The following RASGEF1A variants were observed in gnomAD, a reference collection of about 807,000 sequenced individuals.
RASGEF1A encodes the protein RasGEF domain family member 1A, also known as ras-GEF domain-containing family member 1A.
Under a neutral mutation model 56.4 loss-of-function variants are expected in RASGEF1A, and 18 were observed. That is an observed-to-expected ratio of 0.32 (90% CI 0.22 to 0.47). RASGEF1A has a LOEUF of 0.47. Ranked by LOEUF, RASGEF1A falls within the 20% of genes least tolerant of loss-of-function variation. RASGEF1A has a pLI of 1.00. For missense variants in RASGEF1A, 422 were observed against 627.1 expected (o/e 0.67, Z 3.49); for synonymous variants, 245 against 242.6 (o/e 1.01, Z -0.09).
At chr10:43,240,700 C>T (rs78757861) in intron 1 of RASGEF1A, among the ~76,000 whole-genome samples, 1 of 151,714 alleles carries the variant, frequency 6.6e-6, no homozygotes, top group African/African-American at 2.4e-5. Flanking sequence ...AAGAAAGGAA[C>T]AAATAAATAG....
rs201778875 is a variant in RASGEF1A, at chr10:43,201,859, C to T, written c.408G>A (p.Lys136=). The T allele has an allele frequency of 1.5e-4, 248 of 1,612,028 alleles. 1 individual carries two copies. The East Asian group carries it at 4.8e-3, about 31-fold the overall frequency. Residue 136 remains lysine (K), a synonymous_variant, in exon 4 of 13, where the codon AAG becomes AAA. Coordinates refer to ENST00000395810, the MANE Select transcript of RASGEF1A (RefSeq NM_145313.4). The part of the protein sequence containing the change: ...EAFPYDFQDE[K]AMAELKAITH... The stretch of plus-strand genomic sequence containing the variant: ...TGATGGCTTTCAGCTCGGCCATGGC[C>T]TTCTCATCCTGGAAGTCATAGGGGA...
chr10:43,258,178 C>T (rs1335478713), intron 1 of RASGEF1A, among the ~76,000 whole-genome samples: 3 of 152,250 alleles, frequency 2.0e-5, no homozygotes, highest in Non-Finnish European at 4.4e-5. Context: ...CTGCGCCAGT[C>T]AACTCTTCAT....
chr10:43,200,108 C>A, intron 6 of RASGEF1A, 74 bp downstream of exon 6: 1 of 1,276,882 alleles, frequency 7.8e-7, no homozygotes, highest in Admixed American at 2.0e-5. Context: ...GTGAGGCCCA[C>A]ACCCACCCTG....
chr10:43,208,076 C>T, intron 1 of RASGEF1A: 2 of 985,488 alleles, frequency 2.0e-6, no homozygotes, highest in Non-Finnish European at 2.4e-6. Flanking sequence ...GCTCACAAAC[C>T]CCTTGTTGCC....
At chr10:43,202,609 C>T in intron 3 of RASGEF1A, 1 of 466,468 alleles carries the variant, frequency 2.1e-6, no homozygotes. Context: ...CCGCGCCAGC[C>T]CACACCAGCC....
intron 1 of RASGEF1A, among the ~76,000 whole-genome samples, chr10:43,224,574 T>C (rs971123950): frequency 6.6e-6 from 1 of 152,194 alleles, no homozygotes; most frequent in Non-Finnish European, 1.5e-5. Flanking sequence ...TGGTGTGCAC[T>C]CTTGGCAATT....
intron 7 of RASGEF1A, 36 bp from the exon 8 acceptor site, chr10:43,199,230 C>A: frequency 1.3e-6 from 2 of 1,529,284 alleles, no homozygotes; most frequent in South Asian, 1.2e-5. Flanking sequence ...ATGGCGCTGC[C>A]GGGGGACAGC....
chr10:43,247,137 A>G lies in RASGEF1A; in HGVS notation c.-7+19708T>C, dbSNP rs149244397. ...ATGGACATTTCTCTAAAGAAGATGTACAAATGGCCAATAGGCACATTAAAA... is the reference window on the plus strand; with the variant it reads ...ATGGACATTTCTCTAAAGAAGATGTGCAAATGGCCAATAGGCACATTAAAA... On this transcript the variant is annotated intron_variant, in intron 1 of 12. Transcript: ENST00000395810. 1.6e-3 allele frequency among the ~76,000 whole-genome samples: 249 copies of G among 152,384 alleles called. 2 individuals are homozygous for G. The highest frequency in any genetic ancestry group is 2.4e-3 in the Admixed American group (37 of 15,308).
At chr10:43,253,319 G>C (rs1840648035) in intron 1 of RASGEF1A, among the ~76,000 whole-genome samples, 1 of 152,246 alleles carries the variant, frequency 6.6e-6, no homozygotes, top group African/African-American at 2.4e-5. Context: ...GGGCTGCCTT[G>C]CTCACCTCAT....
intron 2 of RASGEF1A, 59 bp downstream of exon 2, chr10:43,205,858 GAC>G: frequency 7.1e-7 from 1 of 1,405,110 alleles, no homozygotes; most frequent in Non-Finnish European, 1.0e-6. Flanking sequence ...TCCCACACCC[GAC>G]ATCTCCTGGA....
At chr10:43,261,414 C>G (rs1346196972) in intron 1 of RASGEF1A, among the ~76,000 whole-genome samples, 1 of 152,214 alleles carries the variant, frequency 6.6e-6, no homozygotes, top group Non-Finnish European at 1.5e-5. Flanking sequence ...CTGCAATGGA[C>G]AGTGTGGGCA....
chr10:43,249,109 A>G (rs1840598295), intron 1 of RASGEF1A, among the ~76,000 whole-genome samples: 1 of 152,206 alleles, frequency 6.6e-6, no homozygotes, highest in African/African-American at 2.4e-5. Context: ...AACAGAGGAA[A>G]GCATAAAAAG....
chr10:43,217,997 C>G (rs2133200031), intron 1 of RASGEF1A, among the ~76,000 whole-genome samples: 1 of 152,286 alleles, frequency 6.6e-6, no homozygotes, highest in South Asian at 2.1e-4. Flanking sequence ...TAGGCATGGG[C>G]TGGGCGTCCA....
chr10:43,229,511 G>T, intron 1 of RASGEF1A: 2 of 704,964 alleles, frequency 2.8e-6, no homozygotes, highest in Non-Finnish European at 4.3e-6. Flanking sequence ...AGGGCGGCGC[G>T]CGGGTCCTCA....
At chr10:43,232,878 C>T (rs1023567228) in intron 1 of RASGEF1A, among the ~76,000 whole-genome samples, 6 of 152,096 alleles carry the variant, frequency 3.9e-5, no homozygotes, top group Non-Finnish European at 2.9e-5. Flanking sequence ...ACACAGCAGC[C>T]GGGGGGGATC....
Position 43,206,063 on chromosome 10 carries a change from T to C in RASGEF1A, c.54A>G (p.Gly18=). The change falls in exon 2 of 13, where the codon GGA becomes GGG. Residue 18 remains glycine, a synonymous_variant. Coordinates refer to ENST00000395810, the MANE Select transcript of RASGEF1A (RefSeq NM_145313.4). ...FSSILGPSCS[G]QVQPGMGERG... ...GCTCCCCCATGCCAGGCTGCACCTGTCCGCTACAGCTGGGCCCAAGGATGC... is the reference window on the plus strand; with the variant it reads ...GCTCCCCCATGCCAGGCTGCACCTGCCCGCTACAGCTGGGCCCAAGGATGC... 6.2e-7 allele frequency: 1 copy of C among 1,606,764 alleles called. No individual in the cohort carries two copies. Among genetic ancestry groups the C allele is most frequent in the Non-Finnish European group, 8.5e-7 (1 of 1,177,132 alleles).
chr10:43,205,408 C>T (rs1396867885), intron 2 of RASGEF1A, among the ~76,000 whole-genome samples: 1 of 152,110 alleles, frequency 6.6e-6, no homozygotes, highest in Non-Finnish European at 1.5e-5. Flanking sequence ...AGAACAGTCC[C>T]CGAGTCAGCC....
rs1377900937 is a variant in RASGEF1A, at chr10:43,205,952, C to T, written c.165G>A (p.Glu55=). 1 of 1,613,388 alleles carries T rather than the reference C, an allele frequency of 6.2e-7. No homozygotes were observed. Among genetic ancestry groups the T allele is most frequent in the Non-Finnish European group, 8.5e-7 (1 of 1,179,982 alleles). ...LISGSLEALM[E]HLVPTVDYYP... Reference sequence around the variant, plus strand: ...AATAGTCCACCGTGGGAACAAGGTGCTCCATCAGGGCCTCCAGGGACCCAG... The same window carrying T: ...AATAGTCCACCGTGGGAACAAGGTGTTCCATCAGGGCCTCCAGGGACCCAG... The change falls in exon 2 of 13, where the codon GAG becomes GAA. Residue 55 remains glutamate, a synonymous_variant. Coordinates refer to ENST00000395810, the MANE Select transcript of RASGEF1A (RefSeq NM_145313.4).
At chr10:43,199,237 C>T in intron 7 of RASGEF1A, 43 bp from the exon 8 acceptor site, 1 of 1,501,894 alleles carries the variant, frequency 6.7e-7, no homozygotes, top group Non-Finnish European at 9.1e-7. Context: ...TGCCGGGGGA[C>T]AGCAGGAGCT....
Sources: gnomAD v4.1 joint callset for allele counts (sites outside exome capture counted in the v4.1 genomes callset) on GRCh38, gnomAD v4.1.1 for gene constraint, MANE v1.5 for transcripts, NCBI Gene and HGNC (gene_info 2026-07-23, HGNC 2026-07-21) for gene names.